The following GPHN variants were observed in gnomAD, a reference collection of about 807,000 sequenced individuals.
The protein encoded by GPHN is gephyrin.
GPHN carries 17 observed loss-of-function variants against 95.5 expected under a neutral mutation model. The ratio of observed to expected loss-of-function variants is 0.18; its 90% confidence interval spans 0.12 to 0.27. The LOEUF (loss-of-function observed/expected upper bound fraction) is 0.27. GPHN is among the 10% of genes least tolerant of loss of function. The probability of loss-of-function intolerance (pLI) is 1.00; values close to 1 mark genes in which losing one functional copy is unlikely to be tolerated. For synonymous variants in GPHN, 320 were observed against 322.5 expected (o/e 0.99, Z 0.08); for missense variants, 660 against 978.1 (o/e 0.67, Z 4.34).
chr14:67,695,794 G>A, the GPHN span: 3 of 1,245,688 alleles, frequency 2.4e-6, no homozygotes, highest in African/African-American at 1.5e-5. Flanking sequence ...AATTCAAATT[G>A]CGACAGCCCG....
chr14:66,637,517 C>G (rs1291530246), intron 1 of GPHN, among the ~76,000 whole-genome samples: 2 of 152,018 alleles, frequency 1.3e-5, no homozygotes, highest in Non-Finnish European at 2.9e-5. Flanking sequence ...TTTATTAAGT[C>G]TAATGCATAC....
At chr14:66,619,743 A>G (rs2063208572) in intron 1 of GPHN, among the ~76,000 whole-genome samples, 1 of 152,068 alleles carries the variant, frequency 6.6e-6, no homozygotes, top group Non-Finnish European at 1.5e-5. Flanking sequence ...TGTTATTTTA[A>G]TTGGCATTTT....
the GPHN span, among the ~76,000 whole-genome samples, chr14:67,332,130 G>A: frequency 2.6e-5 from 4 of 152,134 alleles, no homozygotes; most frequent in East Asian, 3.9e-4. Context: ...TCATTGGCAG[G>A]GGTGATTTGA....
At chr14:67,481,927 A>G in the GPHN span, among the ~76,000 whole-genome samples, 1 of 152,240 alleles carries the variant, frequency 6.6e-6, no homozygotes, top group Non-Finnish European at 1.5e-5. Flanking sequence ...ACAGCCCAGG[A>G]ACAGAAATTC....
At chr14:66,542,244 A>G (rs917210405) in intron 1 of GPHN, among the ~76,000 whole-genome samples, 2 of 152,346 alleles carry the variant, frequency 1.3e-5, no homozygotes, top group Middle Eastern at 3.4e-3. Context: ...ACAAATATCA[A>G]GTATCAAGTG....
chr14:67,051,080 C>A (rs1221197004), intron 10 of GPHN, among the ~76,000 whole-genome samples: 1 of 141,358 alleles, frequency 7.1e-6, no homozygotes, highest in Non-Finnish European at 1.6e-5. Context: ...CTAAGACAAC[C>A]AAGTTCCTAG....
At chr14:67,715,982 T>G in the GPHN span, among the ~76,000 whole-genome samples, 2 of 151,594 alleles carry the variant, frequency 1.3e-5, no homozygotes, top group Admixed American at 6.6e-5. Context: ...GATCACGAGG[T>G]CAAGAGATAG....
intron 1 of GPHN, among the ~76,000 whole-genome samples, chr14:66,519,921 C>G (rs2058405981): frequency 6.6e-6 from 1 of 152,076 alleles, no homozygotes. Flanking sequence ...GTAACTTGCT[C>G]AAGTTAGTGC....
chr14:67,106,057 C>T (rs1214430940), intron 13 of GPHN, among the ~76,000 whole-genome samples: 2 of 152,112 alleles, frequency 1.3e-5, no homozygotes, highest in African/African-American at 4.8e-5. Context: ...AGATATATGA[C>T]TCCCTTGAGA....
At chr14:67,202,427 G>A in the GPHN span, among the ~76,000 whole-genome samples, 1 of 151,976 alleles carries the variant, frequency 6.6e-6, no homozygotes, top group Non-Finnish European at 1.5e-5. Flanking sequence ...GCAACAGAAC[G>A]AGACTGCACC....
At chr14:67,180,691 T>C (rs2083283191) in intron 22 of GPHN, 113 bp from the exon 23 acceptor site, 1 of 981,072 alleles carries the variant, frequency 1.0e-6, no homozygotes, top group East Asian at 2.6e-5. Context: ...GATCATCCCT[T>C]CTCCTCTTGA....
chr14:67,598,868 C>A, the GPHN span, among the ~76,000 whole-genome samples: 1 of 152,086 alleles, frequency 6.6e-6, no homozygotes, highest in Non-Finnish European at 1.5e-5. Flanking sequence ...CACCACCACA[C>A]CCAGCTAATG....
At chr14:66,720,618 A>C (rs1278582399) in intron 2 of GPHN, among the ~76,000 whole-genome samples, 2 of 152,164 alleles carry the variant, frequency 1.3e-5, no homozygotes, top group African/African-American at 4.8e-5. Flanking sequence ...CATCATATCT[A>C]ATTTTGCACA....
chr14:67,577,525 GA>G, the GPHN span: 1 of 708,862 alleles, frequency 1.4e-6, no homozygotes, highest in South Asian at 1.6e-5. Flanking sequence ...GGAAGGGAAG[GA>G]AACTTCCCAG....
chr14:67,225,658 T>G, the GPHN span, among the ~76,000 whole-genome samples: 1 of 152,214 alleles, frequency 6.6e-6, no homozygotes, highest in Non-Finnish European at 1.5e-5. Context: ...GTAGAGTGCC[T>G]GCAGGGCTGT....
At chr14:67,608,966 C>T in the GPHN span, among the ~76,000 whole-genome samples, 1 of 152,218 alleles carries the variant, frequency 6.6e-6, no homozygotes, top group Admixed American at 6.5e-5. Flanking sequence ...AGCAGTTCGA[C>T]ACTATCCACC....
intron 11 of GPHN, chr14:67,059,134 G>C (rs1466902582): frequency 3.1e-6 from 1 of 326,008 alleles, no homozygotes; most frequent in Non-Finnish European, 5.5e-6. Context: ...CTCTGAGTCT[G>C]TATGATGTCC....
chr14:67,670,469 G>A, the GPHN span, among the ~76,000 whole-genome samples: 1 of 152,010 alleles, frequency 6.6e-6, no homozygotes, highest in South Asian at 2.1e-4. Context: ...GTTTTTTGAA[G>A]CTTCCCCCTC....
At chr14:66,567,280 A>G (rs560970929) in intron 1 of GPHN, among the ~76,000 whole-genome samples, 1 of 152,108 alleles carries the variant, frequency 6.6e-6, no homozygotes, top group South Asian at 2.1e-4. Context: ...TTAGCAGCGT[A>G]GGGGACTTTG....
Sources: gnomAD v4.1 joint callset for allele counts (sites outside exome capture counted in the v4.1 genomes callset) on GRCh38, gnomAD v4.1.1 for gene constraint, MANE v1.5 for transcripts, NCBI Gene and HGNC (gene_info 2026-07-23, HGNC 2026-07-21) for gene names.